Variants in F5 observed in about 807,000 individuals in gnomAD.
F5 encodes the protein activated protein c cofactor.
A neutral mutation model predicts 216.4 loss-of-function variants in F5; 138 were observed. The observed-to-expected ratio is 0.64, with a 90% CI of 0.56 to 0.73. The LOEUF (loss-of-function observed/expected upper bound fraction) is 0.73. Among genes scored for constraint, F5 ranks in the 30% least tolerant of loss-of-function variants. The probability of loss-of-function intolerance (pLI) is 0.00; values close to 1 mark genes in which losing one functional copy is unlikely to be tolerated. For synonymous variants in F5, 916 were observed against 930.7 expected (o/e 0.98, Z 0.29); for missense variants, 2,403 against 2,674.0 (o/e 0.90, Z 2.24).
intron 3 of F5, among the ~76,000 whole-genome samples, chr1:169,564,401 C>G (rs908471943): frequency 6.6e-6 from 1 of 152,082 alleles, no homozygotes; most frequent in African/African-American, 2.4e-5. Context: ...TCTATTTCCT[C>G]AACCCATAGA....
intron 12 of F5, among the ~76,000 whole-genome samples, 160 bp downstream of exon 12, chr1:169,544,136 A>C (rs1659938008): frequency 6.6e-6 from 1 of 152,178 alleles, no homozygotes; most frequent in African/African-American, 2.4e-5. Context: ...TAAGTCATTA[A>C]TTTCTCAAAG....
At chr1:169,559,571 T>C (rs889499743) in intron 4 of F5, among the ~76,000 whole-genome samples, 1 of 152,174 alleles carries the variant, frequency 6.6e-6, no homozygotes, top group Non-Finnish European at 1.5e-5. Flanking sequence ...CTCTCAAGAC[T>C]CTGTACAAGT....
At chr1:169,572,950 TTC>T (rs1350172878) in intron 2 of F5, among the ~76,000 whole-genome samples, 2,273 of 86,652 alleles carry the variant, frequency 0.026, 54 homozygotes, top group African/African-American at 0.061. Flanking sequence ...TGGAGCATTT[TTC>T]TTTTTTTTTT....
At chr1:169,576,174 C>T (rs6701627) in intron 2 of F5, among the ~76,000 whole-genome samples, 2 of 151,890 alleles carry the variant, frequency 1.3e-5, no homozygotes, top group South Asian at 2.1e-4. Flanking sequence ...TTGGACTTCT[C>T]ATCTGCAGAT....
intron 3 of F5, among the ~76,000 whole-genome samples, chr1:169,570,635 G>A (rs1336565433): frequency 6.6e-6 from 1 of 152,060 alleles, no homozygotes. Context: ...CCTATTATCA[G>A]TCACTTATAC....
rs1659862052 is a variant in F5, at chr1:169,541,902, C to G, written c.3188G>C (p.Arg1063Thr). Residue 1063 changes from arginine (R) to threonine (T), a missense_variant, in exon 13 of 25, where the codon AGA becomes ACA. Physicochemically the swap from Arg to Thr is moderately conservative, Grantham distance 71 (BLOSUM62 -1). Coordinates refer to ENST00000367797, the MANE Select transcript of F5 (RefSeq NM_000130.5). ...SEAYNTFSER[R>T]LKHSLVLHKS... is the part of the protein sequence containing the mutation. Reference sequence around the variant, plus strand: ...ATGAAGCACCAACGAATGCTTAAGTCTTCTTTCTGAAAATGTGTTGTAGGC... The same window carrying G: ...ATGAAGCACCAACGAATGCTTAAGTGTTCTTTCTGAAAATGTGTTGTAGGC... 1 of 1,614,016 alleles carries G rather than the reference C, an allele frequency of 6.2e-7. No individual in the cohort carries two copies. Among genetic ancestry groups the G allele is most frequent in the South Asian group, 1.1e-5 (1 of 91,086 alleles).
chr1:169,559,221 C>CT lies in F5; in HGVS notation c.661dup (p.Ser221LysfsTer31). ...GGATGATGACTGGCTCCAGCTCTTG[C>CT]TTTCATCAAACACAGCAAATAGTAG... On this transcript the variant is annotated frameshift_variant, in exon 5 of 25. Transcript: ENST00000367797. LOFTEE classifies it high-confidence loss of function. 1 of 1,613,818 alleles carries CT rather than the reference C, an allele frequency of 6.2e-7. No individual in the cohort carries two copies. Among genetic ancestry groups the CT allele is most frequent in the Non-Finnish European group, 8.5e-7 (1 of 1,179,806 alleles).
intron 7 of F5, among the ~76,000 whole-genome samples, chr1:169,554,565 T>C (rs959568853): frequency 1.3e-5 from 2 of 152,258 alleles, no homozygotes; most frequent in African/African-American, 4.8e-5. Flanking sequence ...TAGTTAGATT[T>C]CCAGAGTGAG....
chr1:169,514,375 G>A lies in F5; in HGVS notation c.6613C>T (p.Pro2205Ser), dbSNP rs750661511. The A allele has an allele frequency of 6.2e-7, 1 of 1,613,144 alleles. No individual in the cohort carries two copies. The highest frequency in any genetic ancestry group is 8.5e-7 in the Non-Finnish European group (1 of 1,179,392). ...PIISRFIRVI[P>S]KTWNQSIALR... is the part of the protein sequence containing the mutation. ...GCAATACTTTGATTCCATGTTTTAG[G>A]AATGACACGGATAAACCTGGAAATG... Residue 2205 changes from proline (P) to serine (S), a missense_variant, in exon 25 of 25, where the codon CCT (proline) becomes TCT (serine). Around this residue, in one of 4 missense-constraint regions of F5, gnomAD observed 659 missense variants for 787.9 expected, o/e 0.84. Transcript: ENST00000367797.
intron 21 of F5, among the ~76,000 whole-genome samples, chr1:169,522,878 CT>C (rs1659343290): frequency 6.6e-6 from 1 of 152,182 alleles, no homozygotes; most frequent in South Asian, 2.1e-4. Flanking sequence ...GCATGAGCTC[CT>C]TGAGGCGCAA....
intron 7 of F5, among the ~76,000 whole-genome samples, chr1:169,553,791 A>G (rs1030673683): frequency 6.6e-5 from 10 of 152,222 alleles, no homozygotes; most frequent in Non-Finnish European, 1.5e-4. Flanking sequence ...TGAAAAGTCA[A>G]GAAAGAAGAG....
At chr1:169,517,954 G>C (rs1018331230) in intron 23 of F5, among the ~76,000 whole-genome samples, 5 of 152,118 alleles carry the variant, frequency 3.3e-5, no homozygotes, top group Admixed American at 6.5e-5. Flanking sequence ...TAAATGAGGA[G>C]TTGGCAAACT....
At chr1:169,530,284 A>G (rs747848016) in intron 15 of F5, among the ~76,000 whole-genome samples, 12 of 152,200 alleles carry the variant, frequency 7.9e-5, no homozygotes, top group Admixed American at 1.3e-4. Flanking sequence ...GACAGGGTAA[A>G]AATTTAAATC....
At chr1:169,572,467 G>T in intron 2 of F5, 124 bp from the exon 3 acceptor site, 1 of 1,145,910 alleles carries the variant, frequency 8.7e-7, no homozygotes, top group Non-Finnish European at 1.3e-6. Context: ...TCCTGAGGCT[G>T]ACTCACTTAT....
chr1:169,553,644 C>T (rs1660230747), intron 7 of F5, among the ~76,000 whole-genome samples: 1 of 152,224 alleles, frequency 6.6e-6, no homozygotes, highest in Non-Finnish European at 1.5e-5. Context: ...ATGGCGTGAG[C>T]CTGGGAGGCG....
chr1:169,569,523 G>T (rs1660680028), intron 3 of F5, among the ~76,000 whole-genome samples: 1 of 152,056 alleles, frequency 6.6e-6, no homozygotes, highest in Admixed American at 6.6e-5. Context: ...GCTCAAAGGT[G>T]CAGCATTGAA....
chr1:169,553,501 G>A (rs543445738), intron 7 of F5, among the ~76,000 whole-genome samples: 2 of 152,330 alleles, frequency 1.3e-5, no homozygotes, highest in Admixed American at 6.5e-5. Flanking sequence ...GAGGTCAGGA[G>A]ATCGAGACCA....
chr1:169,577,272 A>C (rs1187535968), intron 2 of F5, among the ~76,000 whole-genome samples: 1 of 152,126 alleles, frequency 6.6e-6, no homozygotes, highest in Admixed American at 6.5e-5. Context: ...ACATAACACA[A>C]GGTAGTGATT....
In F5 at chr1:169,556,793, T is replaced by C. The variant is rs1660341840; in HGVS notation, c.805A>G (p.Ile269Val). The C allele has an allele frequency of 1.9e-6, 3 of 1,613,954 alleles. No homozygotes were observed. In the South Asian group the frequency reaches 3.3e-5, roughly 18 times the overall value. Residue 269 changes from isoleucine (I) to valine (V), a missense_variant, in exon 6 of 25, where the codon ATT becomes GTT. Physicochemically the swap from Ile to Val is conservative, Grantham distance 29. Transcript: ENST00000367797. ...GMSSGPELFS[I>V]HFNGQVLEQN... is the part of the protein sequence containing the mutation. The stretch of plus-strand genomic sequence containing the variant: ...TCCAGGACCTGGCCGTTGAAATGAA[T>C]GGAGAATAATTCTGGCCCCGAGCTC...
Sources: allele counts gnomAD v4.1 joint callset (sites outside exome capture counted in the v4.1 genomes callset), GRCh38; gene constraint gnomAD v4.1.1; regional missense constraint gnomAD v4.1.1; transcripts MANE v1.5; gene names NCBI Gene and HGNC (gene_info 2026-07-23, HGNC 2026-07-21).